Variants in CDH13 observed in about 807,000 individuals in gnomAD.
CDH13 encodes cadherin 13, also known as cadherin-13.
CDH13 carries 24 observed loss-of-function variants against 63.8 expected under a neutral mutation model. That is an observed-to-expected ratio of 0.38 (90% CI 0.27 to 0.53). The LOEUF (loss-of-function observed/expected upper bound fraction) is 0.53, where lower values mean the gene tolerates loss of function less well. Among genes scored for constraint, CDH13 ranks in the 20% least tolerant of loss-of-function variants. The probability of loss-of-function intolerance (pLI) is 0.85; values close to 1 mark genes in which losing one functional copy is unlikely to be tolerated. For synonymous variants in CDH13, 503 were observed against 355.3 expected (o/e 1.42, Z -4.67); for missense variants, 1,049 against 903.1 (o/e 1.16, Z -2.07).
chr16:83,634,423 C>T (rs1258784991), intron 8 of CDH13, among the ~76,000 whole-genome samples: 4 of 145,784 alleles, frequency 2.7e-5, no homozygotes, highest in Non-Finnish European at 6.0e-5. Context: ...TTTTTTGAGA[C>T]GGAGTCTTTC....
intron 6 of CDH13, among the ~76,000 whole-genome samples, chr16:83,455,082 A>T (rs2072986070): frequency 6.6e-6 from 1 of 152,214 alleles, no homozygotes; most frequent in Non-Finnish European, 1.5e-5. Context: ...AGCCATTGTT[A>T]TCACACTTTC....
intron 1 of CDH13, among the ~76,000 whole-genome samples, chr16:82,808,605 G>T (rs975002828): frequency 6.6e-6 from 1 of 152,138 alleles, no homozygotes; most frequent in African/African-American, 2.4e-5. Flanking sequence ...TATAAAAATA[G>T]TTATTTATTT....
intron 2 of CDH13, chr16:82,859,334 G>C (rs774653156): frequency 6.6e-6 from 1 of 152,436 alleles, no homozygotes; most frequent in Non-Finnish European, 1.5e-5. Context: ...GAGGAGGATG[G>C]ATGGCTTGAG....
chr16:83,467,181 C>G (rs934740755), intron 6 of CDH13, among the ~76,000 whole-genome samples: 1 of 152,190 alleles, frequency 6.6e-6, no homozygotes, highest in South Asian at 2.1e-4. Context: ...AACTCAAACG[C>G]ATCTCTCTGC....
intron 5 of CDH13, among the ~76,000 whole-genome samples, chr16:83,315,233 C>A (rs532825276): frequency 6.6e-6 from 1 of 152,188 alleles, no homozygotes; most frequent in Non-Finnish European, 1.5e-5. Context: ...CCGCTGAATC[C>A]GAGGAAGGGC....
chr16:83,713,509 C>CAAAA (rs368960124), intron 10 of CDH13, among the ~76,000 whole-genome samples: 4 of 141,028 alleles, frequency 2.8e-5, no homozygotes, highest in Non-Finnish European at 4.6e-5. Flanking sequence ...TTCTCGTCAC[C>CAAAA]AAAAAAAAAA....
chr16:82,876,359 A>G (rs545175023), intron 2 of CDH13, among the ~76,000 whole-genome samples: 1 of 152,372 alleles, frequency 6.6e-6, no homozygotes, highest in East Asian at 1.9e-4. Flanking sequence ...TAGATAATTA[A>G]ATAATCTTTG....
intron 13 of CDH13, chr16:83,789,928 C>T (rs1003572089): frequency 8.9e-4 from 135 of 151,796 alleles, no homozygotes; most frequent in African/African-American, 3.0e-3. Context: ...CCCAAGAAGC[C>T]GAAAATATTA....
intron 3 of CDH13, among the ~76,000 whole-genome samples, chr16:83,106,697 A>G (rs935554564): frequency 1.3e-5 from 2 of 152,262 alleles, no homozygotes; most frequent in Non-Finnish European, 2.9e-5. Flanking sequence ...GGGAAGTATC[A>G]TTAGGTTCAA....
At chr16:82,703,476 C>G (rs531968669) in intron 1 of CDH13, among the ~76,000 whole-genome samples, 1 of 152,118 alleles carries the variant, frequency 6.6e-6, no homozygotes, top group Non-Finnish European at 1.5e-5. Flanking sequence ...CACTCCCTTG[C>G]CCCTTTGGAG....
chr16:83,117,238 G>A (rs1192463783), intron 3 of CDH13, among the ~76,000 whole-genome samples: 1 of 152,192 alleles, frequency 6.6e-6, no homozygotes, highest in Non-Finnish European at 1.5e-5. Context: ...TCCAGGGTCT[G>A]ACTTCCCTTC....
intron 7 of CDH13, among the ~76,000 whole-genome samples, chr16:83,577,860 T>C (rs547646029): frequency 2.0e-5 from 3 of 152,222 alleles, no homozygotes; most frequent in Non-Finnish European, 2.9e-5. Flanking sequence ...GAACATTGCA[T>C]AACTACATCA....
At chr16:82,666,186 G>T (rs770825648) in intron 1 of CDH13, among the ~76,000 whole-genome samples, 6 of 152,110 alleles carry the variant, frequency 3.9e-5, no homozygotes. Flanking sequence ...CAGGGAAGTT[G>T]GGATGTGTTT....
intron 2 of CDH13, among the ~76,000 whole-genome samples, chr16:82,879,779 T>G (rs1361272005): frequency 7.3e-6 from 1 of 137,822 alleles, no homozygotes; most frequent in Non-Finnish European, 1.5e-5. Flanking sequence ...ATATATAATA[T>G]ATAAGTATAT....
intron 7 of CDH13, among the ~76,000 whole-genome samples, chr16:83,531,487 G>T (rs974287842): frequency 1.3e-5 from 2 of 152,222 alleles, no homozygotes; most frequent in African/African-American, 4.8e-5. Context: ...GGCTTATAAA[G>T]CGGAGTTTCC....
intron 2 of CDH13, among the ~76,000 whole-genome samples, chr16:82,915,813 C>T (rs1242974307): frequency 6.7e-6 from 1 of 149,828 alleles, no homozygotes; most frequent in Admixed American, 6.7e-5. Flanking sequence ...TGACATACAC[C>T]CTCTACAAAA....
At chr16:83,429,222 C>G (rs1211519168) in intron 6 of CDH13, among the ~76,000 whole-genome samples, 4 of 152,194 alleles carry the variant, frequency 2.6e-5, no homozygotes, top group Admixed American at 2.6e-4. Flanking sequence ...TGTTGTGACA[C>G]AGACTGGTAT....
chr16:83,506,692 CTT>C (rs1161783743), intron 7 of CDH13, among the ~76,000 whole-genome samples: 1 of 152,180 alleles, frequency 6.6e-6, no homozygotes, highest in African/African-American at 2.4e-5. Context: ...GCAGAAATGA[CTT>C]TGTGTGAATT....
Position 82,983,598 on chromosome 16 carries a change from A to G in CDH13, c.158-48412A>G, listed in dbSNP as rs576827534. Among the ~76,000 whole-genome samples, 14 of 152,324 alleles carry G rather than the reference A, an allele frequency of 9.2e-5. No homozygotes were observed. In the East Asian group the frequency reaches 2.5e-3, roughly 27 times the overall value. ...AGGAAAATGAGATGTTTTAGAAACA[A>G]CAGAGGAATCTGTGAGACAGGGCTG... On this transcript the variant is annotated intron_variant, in intron 2 of 13. Coordinates refer to ENST00000567109, the MANE Select transcript of CDH13 (RefSeq NM_001257.5).
Sources: gnomAD v4.1 joint callset for allele counts (sites outside exome capture counted in the v4.1 genomes callset) on GRCh38, gnomAD v4.1.1 for gene constraint, MANE v1.5 for transcripts, NCBI Gene and HGNC (gene_info 2026-07-23, HGNC 2026-07-21) for gene names.